The following EAF2 variants were observed in gnomAD, a reference collection of about 807,000 sequenced individuals.
The protein encoded by EAF2 is ELL-associated factor 2.
A neutral mutation model predicts 29.4 loss-of-function variants in EAF2; 29 were observed. That is an observed-to-expected ratio of 0.99 (90% CI 0.73 to 1.35). EAF2 has a LOEUF of 1.35. EAF2 is among the 40% of genes most tolerant of loss of function. The probability of loss-of-function intolerance (pLI) is 0.00; values close to 1 mark genes in which losing one functional copy is unlikely to be tolerated. For synonymous variants in EAF2, 103 were observed against 102.5 expected (o/e 1.00, Z -0.03); for missense variants, 292 against 312.0 (o/e 0.94, Z 0.48).
At chr3:121,870,957 A>G (rs1431115892) in intron 4 of EAF2, among the ~76,000 whole-genome samples, 2 of 152,026 alleles carry the variant, frequency 1.3e-5, no homozygotes, top group Non-Finnish European at 2.9e-5. Flanking sequence ...TTGGAGTGTA[A>G]AATCAGTTTG....
At chr3:121,872,941 T>C (rs1386188996) in intron 5 of EAF2, 153 bp downstream of exon 5, 3 of 1,213,214 alleles carry the variant, frequency 2.5e-6, no homozygotes, top group African/African-American at 3.1e-5. Flanking sequence ...TGGTTTTCTT[T>C]TGAATCTGTG....
chr3:121,878,137 G>A (rs1284673199), intron 5 of EAF2, among the ~76,000 whole-genome samples: 1 of 152,002 alleles, frequency 6.6e-6, no homozygotes, highest in Non-Finnish European at 1.5e-5. Context: ...CTAAAAATTT[G>A]TTTCTTTGAA....
At chr3:121,853,872 T>C (rs1379054752) in intron 2 of EAF2, among the ~76,000 whole-genome samples, 2 of 152,200 alleles carry the variant, frequency 1.3e-5, no homozygotes, top group African/African-American at 4.8e-5. Flanking sequence ...TATGACATCA[T>C]TAAGCACATA....
intron 5 of EAF2, among the ~76,000 whole-genome samples, chr3:121,875,039 G>A (rs1709072477): frequency 6.6e-6 from 1 of 151,518 alleles, no homozygotes; most frequent in Non-Finnish European, 1.5e-5. Context: ...AACTTTTAGG[G>A]AAACTTTTAG....
At chr3:121,861,776 T>C (rs542762392) in intron 4 of EAF2, among the ~76,000 whole-genome samples, 25 of 152,356 alleles carry the variant, frequency 1.6e-4, no homozygotes, top group Admixed American at 3.3e-4. Context: ...CAATGGTCTT[T>C]ACAATTTGGC....
At chr3:121,860,028 G>T (rs1655273781) in intron 4 of EAF2, among the ~76,000 whole-genome samples, 1 of 152,188 alleles carries the variant, frequency 6.6e-6, no homozygotes, top group South Asian at 2.1e-4. Flanking sequence ...AAGCCGACTT[G>T]ATCATGGTGG....
intron 4 of EAF2, among the ~76,000 whole-genome samples, chr3:121,869,515 A>G (rs1708976501): frequency 6.6e-6 from 1 of 152,204 alleles, no homozygotes. Flanking sequence ...AATGTAAAGT[A>G]CAACTTCTAT....
intron 4 of EAF2, 128 bp downstream of exon 4, chr3:121,857,284 T>A (rs1376639355): frequency 2.6e-5 from 18 of 680,902 alleles, no homozygotes; most frequent in Non-Finnish European, 4.0e-5. Flanking sequence ...ATGAGGTCAG[T>A]AGTTCAACAC....
At chr3:121,866,029 C>T (rs1406064904) in intron 4 of EAF2, among the ~76,000 whole-genome samples, 1 of 152,184 alleles carries the variant, frequency 6.6e-6, no homozygotes, top group Non-Finnish European at 1.5e-5. Flanking sequence ...CCACAACAAA[C>T]ACTTTGCTAT....
chr3:121,838,633 A>G (rs982693894), intron 1 of EAF2, among the ~76,000 whole-genome samples: 2 of 152,206 alleles, frequency 1.3e-5, no homozygotes, highest in Non-Finnish European at 2.9e-5. Context: ...AGCTAAAGAT[A>G]TTTTGCATAC....
intron 2 of EAF2, among the ~76,000 whole-genome samples, chr3:121,851,188 A>T (rs917875526): frequency 6.6e-6 from 1 of 150,938 alleles, no homozygotes; most frequent in African/African-American, 2.4e-5. Context: ...TATTTTATTT[A>T]TTTTTTAGAG....
At chr3:121,841,360 C>T (rs904373010) in intron 1 of EAF2, among the ~76,000 whole-genome samples, 1 of 150,090 alleles carries the variant, frequency 6.7e-6, no homozygotes, top group Non-Finnish European at 1.5e-5. Context: ...AAAAATTAGT[C>T]GGGCTGTAGT....
rs182884303 is a variant in EAF2, at chr3:121,842,032, A to T, written c.107-2421A>T. On this transcript the variant is annotated intron_variant, in intron 1 of 5. Coordinates refer to ENST00000273668, the MANE Select transcript of EAF2 (RefSeq NM_018456.6). Reference sequence around the variant, plus strand: ...AATAAAAAAAAAATAAAAAAATAAAAAAATTTCCGGGTGTGGTGTCATGTG... The same window carrying T: ...AATAAAAAAAAAATAAAAAAATAAATAAATTTCCGGGTGTGGTGTCATGTG... Among the ~76,000 whole-genome samples, 141 of 151,878 alleles carry T rather than the reference A, an allele frequency of 9.3e-4. No homozygotes were observed. In the East Asian group the frequency reaches 0.012, roughly 13 times the overall value.
chr3:121,874,080 A>G (rs1190788206), intron 5 of EAF2, among the ~76,000 whole-genome samples: 2 of 151,874 alleles, frequency 1.3e-5, no homozygotes, highest in African/African-American at 4.8e-5. Context: ...TACTTGACAC[A>G]TAATAGATGC....
chr3:121,838,823 T>G (rs1708352888), intron 1 of EAF2, among the ~76,000 whole-genome samples: 3 of 152,216 alleles, frequency 2.0e-5, no homozygotes, highest in African/African-American at 7.2e-5. Context: ...GATTTATGAT[T>G]GTCTCTCATC....
intron 5 of EAF2, among the ~76,000 whole-genome samples, chr3:121,886,098 A>T (rs1206745917): frequency 3.3e-5 from 5 of 152,236 alleles, no homozygotes; most frequent in African/African-American, 9.6e-5. Context: ...AGTGATGGGG[A>T]TATGTGAAAG....
chr3:121,857,145 A>G lies in EAF2; in HGVS notation c.473A>G (p.Asp158Gly), dbSNP rs935964788. ...ATGTCCCCAGCATCTCCAATAGATG[A>G]TATCGAAAGAGGTAAAATCTAAGTA... The part of the protein sequence containing the change: ...DKMSPASPID[D>G]IERELKAEAS... Residue 158 changes from aspartate to glycine, a missense_variant, in exon 4 of 6, where the codon GAT (aspartate) becomes GGT (glycine). Coordinates refer to ENST00000273668, the MANE Select transcript of EAF2 (RefSeq NM_018456.6). 1.9e-6 allele frequency: 3 copies of G among 1,608,986 alleles called. No individual in the cohort carries two copies. Among genetic ancestry groups the G allele is most frequent in the Non-Finnish European group, 2.5e-6 (3 of 1,178,346 alleles).
At chr3:121,846,558 C>G (rs1019996478) in intron 2 of EAF2, among the ~76,000 whole-genome samples, 2 of 152,100 alleles carry the variant, frequency 1.3e-5, no homozygotes, top group African/African-American at 4.8e-5. Context: ...ACAGCAGGAA[C>G]CATTGCGCCA....
In EAF2 at chr3:121,854,689, T is replaced by C. The variant is rs137954962; in HGVS notation, c.204T>C (p.Gly68=). ...ATAATAATTAACTTTTTAAACAGGGTTCAACTCCACCAGTAACTGTTTTCA... is the reference window on the plus strand; with the variant it reads ...ATAATAATTAACTTTTTAAACAGGGCTCAACTCCACCAGTAACTGTTTTCA... ...QVTITLPNIE[G]STPPVTVFKG... is the part of the protein sequence containing the mutation. Residue 68 remains glycine (G), a splice_region_variant and synonymous_variant, in exon 3 of 6, where the codon GGT becomes GGC. Coordinates refer to ENST00000273668, the MANE Select transcript of EAF2 (RefSeq NM_018456.6). 9.1e-5 allele frequency: 140 copies of C among 1,541,768 alleles called. 1 individual carries two copies. In the African/African-American group the frequency reaches 1.9e-3, roughly 21 times the overall value.
Sources: allele counts gnomAD v4.1 joint callset (sites outside exome capture counted in the v4.1 genomes callset), GRCh38; gene constraint gnomAD v4.1.1; transcripts MANE v1.5; gene names NCBI Gene and HGNC (gene_info 2026-07-23, HGNC 2026-07-21).